VWA3B: variants seen among roughly 807,000 people sequenced by gnomAD.
The protein encoded by VWA3B is von Willebrand factor A domain containing 3B.
A neutral mutation model predicts 158.3 loss-of-function variants in VWA3B; 138 were observed. The observed-to-expected ratio is 0.87, with a 90% CI of 0.76 to 1.00. The LOEUF is 1.00. Ranked by LOEUF, VWA3B falls within the 50% of genes least tolerant of loss-of-function variation. The pLI is 0.00. For synonymous variants in VWA3B, 596 were observed against 587.3 expected (o/e 1.01, Z -0.21); for missense variants, 1,555 against 1,565.1 (o/e 0.99, Z 0.11).
chr2:98,160,717 G>C (rs1281206740), intron 7 of VWA3B, among the ~76,000 whole-genome samples: 1 of 152,198 alleles, frequency 6.6e-6, no homozygotes, highest in Non-Finnish European at 1.5e-5. Flanking sequence ...AGCGTTCAGA[G>C]GGCCTGTGGG....
At chr2:98,227,004 C>G (rs532088958) in intron 14 of VWA3B, among the ~76,000 whole-genome samples, 34 of 152,296 alleles carry the variant, frequency 2.2e-4, no homozygotes, top group South Asian at 1.2e-3. Flanking sequence ...GATGCCCTCT[C>G]TCACCACTCC....
At chr2:98,151,843 T>C (rs1677661896) in intron 7 of VWA3B, among the ~76,000 whole-genome samples, 1 of 152,198 alleles carries the variant, frequency 6.6e-6, no homozygotes, top group Non-Finnish European at 1.5e-5. Flanking sequence ...AAATTGACAT[T>C]CCATTAATGG....
chr2:98,304,746 C>G (rs1690411774), intron 26 of VWA3B, among the ~76,000 whole-genome samples: 1 of 152,094 alleles, frequency 6.6e-6, no homozygotes. Context: ...TTCTTCTCAC[C>G]TCTCTCCTTA....
intron 7 of VWA3B, 108 bp downstream of exon 7, chr2:98,134,047 A>G (rs1324587785): frequency 6.6e-6 from 6 of 904,828 alleles, no homozygotes; most frequent in Admixed American, 2.0e-5. Flanking sequence ...TGTCTTTTGT[A>G]TAATGTTATT....
At chr2:98,147,604 G>A (rs1025971838) in intron 7 of VWA3B, among the ~76,000 whole-genome samples, 4 of 151,936 alleles carry the variant, frequency 2.6e-5, no homozygotes, top group African/African-American at 9.7e-5. Flanking sequence ...TTAGAGTTTT[G>A]TCGATCATTT....
chr2:98,230,238 G>T (rs770274417), intron 16 of VWA3B, 31 bp downstream of exon 16: 1 of 1,504,088 alleles, frequency 6.6e-7, no homozygotes, highest in Non-Finnish European at 8.9e-7. Context: ...TTGACTCTTT[G>T]CTGGTTTCTC....
intron 21 of VWA3B, among the ~76,000 whole-genome samples, chr2:98,264,260 TGCTAACTTGG>T (rs1687657344): frequency 6.6e-6 from 1 of 152,068 alleles, no homozygotes; most frequent in Non-Finnish European, 1.5e-5. Context: ...TTCTTCCCTC[TGCTAACTTGG>T]GCTTTCATTT....
the VWA3B span, among the ~76,000 whole-genome samples, chr2:98,329,071 C>T: frequency 6.6e-6 from 1 of 152,070 alleles, no homozygotes; most frequent in Non-Finnish European, 1.5e-5. Context: ...AGTCCCAAGG[C>T]AATTTGATGG....
chr2:98,273,588 T>G (rs1181679213), intron 22 of VWA3B, among the ~76,000 whole-genome samples: 1 of 152,218 alleles, frequency 6.6e-6, no homozygotes, highest in Non-Finnish European at 1.5e-5. Context: ...AAAGATGATC[T>G]TCTTCTCATT....
At chr2:98,157,840 G>T (rs1678223409) in intron 7 of VWA3B, among the ~76,000 whole-genome samples, 1 of 152,154 alleles carries the variant, frequency 6.6e-6, no homozygotes, top group Non-Finnish European at 1.5e-5. Context: ...GGGTCCCGAG[G>T]GTGGTTTTGT....
At chr2:98,207,334 G>T in intron 12 of VWA3B, 1 of 487,630 alleles carries the variant, frequency 2.1e-6, no homozygotes, top group South Asian at 1.6e-5. Context: ...TCTACATGTG[G>T]ATCCTCTGGA....
chr2:98,168,370 C>T (rs989461536), intron 8 of VWA3B, among the ~76,000 whole-genome samples: 1 of 116,386 alleles, frequency 8.6e-6, no homozygotes, highest in Admixed American at 9.5e-5. Context: ...ATCTAATACA[C>T]ACACATACAC....
intron 5 of VWA3B, among the ~76,000 whole-genome samples, chr2:98,124,096 C>T (rs1377891654): frequency 8.5e-5 from 13 of 152,214 alleles, no homozygotes; most frequent in African/African-American, 2.7e-4. Flanking sequence ...GACTGAAAGC[C>T]GAAGTCCTGG....
chr2:98,284,312 T>G (rs781730635), intron 22 of VWA3B, among the ~76,000 whole-genome samples: 7 of 152,188 alleles, frequency 4.6e-5, no homozygotes, highest in Non-Finnish European at 8.8e-5. Flanking sequence ...GTATTTCCGC[T>G]TATTTTAATG....
intron 5 of VWA3B, among the ~76,000 whole-genome samples, chr2:98,123,989 G>T (rs989866698): frequency 6.6e-5 from 10 of 152,210 alleles, no homozygotes; most frequent in Non-Finnish European, 1.3e-4. Context: ...GCACACATCT[G>T]TTTAGTTTTT....
chr2:98,098,045 T>C (rs1447108131), intron 2 of VWA3B, among the ~76,000 whole-genome samples: 1 of 152,186 alleles, frequency 6.6e-6, no homozygotes, highest in Non-Finnish European at 1.5e-5. Flanking sequence ...TTCCTCCTAG[T>C]GCTGATTTCC....
chr2:98,297,435 T>C (rs755428979), intron 23 of VWA3B, among the ~76,000 whole-genome samples: 1 of 152,230 alleles, frequency 6.6e-6, no homozygotes, highest in African/African-American at 2.4e-5. Context: ...AAGCTGAGTA[T>C]GTTCAGTCTA....
chr2:98,121,646 C>T (rs1364987641), intron 5 of VWA3B, among the ~76,000 whole-genome samples, 188 bp downstream of exon 5: 4 of 152,110 alleles, frequency 2.6e-5, no homozygotes, highest in African/African-American at 9.7e-5. Flanking sequence ...CCTGAATACC[C>T]GTCTCCTGAA....
At chr2:98,273,663 T>C (rs907249423) in intron 22 of VWA3B, among the ~76,000 whole-genome samples, 1 of 152,176 alleles carries the variant, frequency 6.6e-6, no homozygotes, top group African/African-American at 2.4e-5. Context: ...GCCCATGAGA[T>C]GCCAAGCACT....
Sources: gnomAD v4.1 joint callset for allele counts (sites outside exome capture counted in the v4.1 genomes callset) on GRCh38, gnomAD v4.1.1 for gene constraint, MANE v1.5 for transcripts, NCBI Gene and HGNC (gene_info 2026-07-23, HGNC 2026-07-21) for gene names.